Variants in TBC1D5 observed in about 807,000 individuals in gnomAD.
The protein encoded by TBC1D5 is TBC1 domain family, member 5.
TBC1D5 carries 75 observed loss-of-function variants against 100.3 expected under a neutral mutation model. The observed-to-expected ratio is 0.75, with a 90% CI of 0.62 to 0.91. The LOEUF is 0.91. TBC1D5 is among the 40% of genes least tolerant of loss of function. The pLI is 0.00. For missense variants in TBC1D5, 910 were observed against 942.4 expected (o/e 0.97, Z 0.45); for synonymous variants, 323 against 325.6 (o/e 0.99, Z 0.09).
chr3:17,427,787 G>T (rs2094366987), intron 4 of TBC1D5, among the ~76,000 whole-genome samples: 4 of 151,824 alleles, frequency 2.6e-5, no homozygotes, highest in Admixed American at 2.6e-4. Flanking sequence ...AGATTTTCAA[G>T]TATTACTGAA....
chr3:17,479,626 C>T (rs753187276), intron 3 of TBC1D5, among the ~76,000 whole-genome samples: 1 of 152,096 alleles, frequency 6.6e-6, no homozygotes, highest in Non-Finnish European at 1.5e-5. Flanking sequence ...GGATGGAGCC[C>T]AGGAATTTGA....
chr3:17,296,763 A>G (rs2082296024), intron 14 of TBC1D5, among the ~76,000 whole-genome samples: 1 of 152,174 alleles, frequency 6.6e-6, no homozygotes, highest in African/African-American at 2.4e-5. Flanking sequence ...CTTGAAACCT[A>G]AGACCAACAC....
intron 19 of TBC1D5, among the ~76,000 whole-genome samples, chr3:17,173,066 C>T (rs2067325436): frequency 6.6e-6 from 1 of 152,160 alleles, no homozygotes; most frequent in African/African-American, 2.4e-5. Flanking sequence ...ATGGAAGCTC[C>T]GCACCCAGTC....
chr3:17,255,269 C>T lies in TBC1D5; in HGVS notation c.1331+3237G>A, dbSNP rs551852042. Among the ~76,000 whole-genome samples the T allele has an allele frequency of 3.5e-3, 527 of 152,228 alleles. 4 individuals carry two copies. Among genetic ancestry groups the T allele is most frequent in the African/African-American group, 0.012 (480 of 41,544 alleles). The stretch of plus-strand genomic sequence containing the variant: ...AGGCTGGAATGCAGTGGCACGATCT[C>T]GGCTCACTGCAACCTCCACCTCCTG... On this transcript the variant is annotated intron_variant, in intron 16 of 21. Coordinates refer to ENST00000253692, the Ensembl canonical transcript of TBC1D5.
chr3:17,374,407 T>C, intron 12 of TBC1D5, 64 bp downstream of exon 12: 1 of 1,461,604 alleles, frequency 6.8e-7, no homozygotes, highest in Non-Finnish European at 9.3e-7. Flanking sequence ...GGTTACATGT[T>C]GTTATTTATT....
At chr3:17,231,768 T>G (rs2075443365) in intron 17 of TBC1D5, among the ~76,000 whole-genome samples, 1 of 152,186 alleles carries the variant, frequency 6.6e-6, no homozygotes, top group South Asian at 2.1e-4. Context: ...TGTACTCTCA[T>G]TGTCTATCAT....
intron 3 of TBC1D5, among the ~76,000 whole-genome samples, chr3:17,456,854 A>G (rs186143353): frequency 6.6e-6 from 1 of 152,332 alleles, no homozygotes; most frequent in East Asian, 1.9e-4. Context: ...AAATGGTTGA[A>G]CCACAAAAAC....
At position 17,685,885 on chromosome 3, in the gene TBC1D5, A is replaced by G. The variant is rs569186222; in HGVS notation, c.-101+53458T>C. Among the ~76,000 whole-genome samples the G allele has an allele frequency of 2.0e-5, 3 of 152,272 alleles. No individual in the cohort carries two copies. The South Asian group carries it at 6.2e-4, about 32-fold the overall frequency. On this transcript the variant is annotated intron_variant, in intron 1 of 21. Coordinates refer to ENST00000253692, the Ensembl canonical transcript of TBC1D5. ...TTTAGAAATTTTCTGCAGGAGAATAATAAGAAGAGCCTTAATTATTACAGA... is the reference window on the plus strand; with the variant it reads ...TTTAGAAATTTTCTGCAGGAGAATAGTAAGAAGAGCCTTAATTATTACAGA...
At chr3:17,489,504 A>C (rs765280101) in intron 3 of TBC1D5, among the ~76,000 whole-genome samples, 1 of 152,128 alleles carries the variant, frequency 6.6e-6, no homozygotes, top group Non-Finnish European at 1.5e-5. Context: ...CCAAGCCTCC[A>C]CAAGTGTTTG....
intron 1 of TBC1D5, among the ~76,000 whole-genome samples, chr3:17,705,153 C>A (rs1459322084): frequency 1.6e-4 from 17 of 109,428 alleles, no homozygotes; most frequent in African/African-American, 5.7e-4. Flanking sequence ...GGGGGCTGAC[C>A]CCCCCACCTC....
At chr3:17,710,431 C>A (rs2074599324) in intron 1 of TBC1D5, among the ~76,000 whole-genome samples, 2 of 151,788 alleles carry the variant, frequency 1.3e-5, no homozygotes, top group African/African-American at 4.8e-5. Flanking sequence ...GGGTATGGTG[C>A]CGCATGATTG....
chr3:17,370,190 C>T (rs1467615927), intron 13 of TBC1D5, among the ~76,000 whole-genome samples: 3 of 152,150 alleles, frequency 2.0e-5, no homozygotes, highest in Non-Finnish European at 2.9e-5. Flanking sequence ...CCCAAGCCCA[C>T]GCCATCACCA....
chr3:17,443,831 A>G (rs1653893860), intron 3 of TBC1D5, among the ~76,000 whole-genome samples: 1 of 152,234 alleles, frequency 6.6e-6, no homozygotes, highest in Non-Finnish European at 1.5e-5. Context: ...GGGACAGTGA[A>G]CTGAAAGATC....
At chr3:17,492,578 G>C (rs936761718) in intron 3 of TBC1D5, among the ~76,000 whole-genome samples, 5 of 152,126 alleles carry the variant, frequency 3.3e-5, no homozygotes, top group African/African-American at 1.2e-4. Flanking sequence ...GGGACTACAG[G>C]AATGTGCCAC....
chr3:17,283,751 G>A (rs533460501), intron 15 of TBC1D5, among the ~76,000 whole-genome samples: 29 of 151,706 alleles, frequency 1.9e-4, no homozygotes, highest in Non-Finnish European at 3.1e-4. Flanking sequence ...TCTTAAAAAT[G>A]AGTTTACTTT....
chr3:17,248,433 T>C (rs2076924514), intron 16 of TBC1D5, among the ~76,000 whole-genome samples: 1 of 152,216 alleles, frequency 6.6e-6, no homozygotes, highest in African/African-American at 2.4e-5. Flanking sequence ...TCCAGAATGG[T>C]AAATCCTTTC....
intron 1 of TBC1D5, among the ~76,000 whole-genome samples, chr3:17,710,845 G>A (rs1041013319): frequency 4.6e-5 from 7 of 151,934 alleles, no homozygotes; most frequent in Admixed American, 2.0e-4. Context: ...TTACAGGCAT[G>A]CGTCACCACG....
At chr3:17,733,717 GA>G (rs2076745011) in intron 1 of TBC1D5, among the ~76,000 whole-genome samples, 6 of 151,792 alleles carry the variant, frequency 4.0e-5, no homozygotes, top group Non-Finnish European at 8.8e-5. Context: ...ATGAAATTAA[GA>G]AAAATCATTC....
At chr3:17,633,424 C>T (rs550873486) in intron 1 of TBC1D5, among the ~76,000 whole-genome samples, 16 of 151,942 alleles carry the variant, frequency 1.1e-4, no homozygotes, top group African/African-American at 1.2e-4. Context: ...CCAACAACAG[C>T]GAGACTCCAT....
Sources: allele counts gnomAD v4.1 joint callset (sites outside exome capture counted in the v4.1 genomes callset), GRCh38; gene constraint gnomAD v4.1.1; transcripts MANE v1.5; gene names NCBI Gene and HGNC (gene_info 2026-07-23, HGNC 2026-07-21).